The following BLOC1S3 variants were observed in gnomAD, a reference collection of about 807,000 sequenced individuals.
The protein encoded by BLOC1S3 is biogenesis of lysosomal organelles complex 1 subunit 3, also known as biogenesis of lysosome-related organelles complex 1 subunit 3.
In BLOC1S3, 7 loss-of-function variants were observed where a neutral mutation model predicts 9.1. The observed-to-expected ratio is 0.77, with a 90% CI of 0.44 to 1.45. BLOC1S3 has a LOEUF of 1.45. Among genes scored for constraint, BLOC1S3 ranks in the 40% most tolerant of loss-of-function variants. The probability of loss-of-function intolerance (pLI) is 0.01; values close to 1 mark genes in which losing one functional copy is unlikely to be tolerated. For missense variants in BLOC1S3, 307 were observed against 315.2 expected, an observed-to-expected ratio of 0.97 and a Z score of 0.20; for synonymous variants, 145 against 158.4, an observed-to-expected ratio of 0.92 and a Z score of 0.64.
chr19:45,208,990 A>G (rs1257707733), intron 3 of BLOC1S3, among the ~76,000 whole-genome samples: 2 of 152,112 alleles, frequency 1.3e-5, no homozygotes, highest in East Asian at 3.8e-4. Context: ...TACAAATTTC[A>G]GTTAGGAGGA....
At chr19:45,183,125 T>C (rs1969538737), downstream of BLOC1S3, among the ~76,000 whole-genome samples, 2 of 151,734 alleles carry the variant, frequency 1.3e-5, no homozygotes, top group South Asian at 2.1e-4. Flanking sequence ...GGGGTGGTTG[T>C]GGGGCAGGGG....
At chr19:45,191,449 A>T (rs552355597) in intron 2 of BLOC1S3, among the ~76,000 whole-genome samples, 28 of 152,246 alleles carry the variant, frequency 1.8e-4, no homozygotes, top group Middle Eastern at 3.4e-3. Flanking sequence ...TGGTGAGGTC[A>T]TGTTTTCCTG....
At position 45,213,475 on chromosome 19, in the gene BLOC1S3, G is replaced by A. The variant is rs950405613; in HGVS notation, n.283-3201G>A. On this transcript the variant is annotated intron_variant and non_coding_transcript_variant, in intron 3 of 3. Transcript: ENST00000591569. ...TCCCAGAAATTGCCTGAGTTCTGGG[G>A]CCTCTGTGTCCCCTCCAGAGCCTTC... The A allele has an allele frequency of 8.0e-6, 10 of 1,252,740 alleles. No individual in the cohort carries two copies. The African/African-American group carries it at 1.4e-4, about 17-fold the overall frequency. 77.6% of individuals were successfully genotyped at this position (1,252,740 alleles called of 1,614,324 possible). A position where few individuals can be genotyped will look rare whatever the true frequency, so the allele number is the denominator to read the frequency against.
At chr19:45,183,801 AT>A (rs931907812), downstream of BLOC1S3, among the ~76,000 whole-genome samples, 2 of 146,218 alleles carry the variant, frequency 1.4e-5, no homozygotes, top group Admixed American at 6.8e-5. Context: ...TAGTTTTTCT[AT>A]TTTTTTTTCT....
chr19:45,216,179 A>G, intron 3 of BLOC1S3: 1 of 1,613,422 alleles, frequency 6.2e-7, no homozygotes, highest in Non-Finnish European at 8.5e-7. Context: ...GCATCCAGCC[A>G]CGAGGCCTGG....
chr19:45,183,623 C>CTTTTTTTTTTTTTTTTTTTTTT (rs57651816), downstream of BLOC1S3, among the ~76,000 whole-genome samples: 80 of 105,076 alleles, frequency 7.6e-4, no homozygotes, highest in Non-Finnish European at 9.2e-4. Flanking sequence ...CTTTTCTTTT[C>CTTTTTTTTTTTTTTTTTTTTTT]TTTTTTTTTT....
intron 3 of BLOC1S3, chr19:45,216,342 G>T: frequency 8.8e-7 from 1 of 1,140,934 alleles, no homozygotes; most frequent in Non-Finnish European, 1.2e-6. Flanking sequence ...TTGGGAGGAG[G>T]CCGAGGCGGG....
chr19:45,205,258 C>T (rs1045567359), intron 3 of BLOC1S3, among the ~76,000 whole-genome samples: 8 of 151,690 alleles, frequency 5.3e-5, no homozygotes, highest in African/African-American at 7.3e-5. Context: ...CTCCACTTCC[C>T]GGGTTCAAGC....
Position 45,180,192 on chromosome 19 carries a change from A to C in BLOC1S3, c.*287A>C. The C allele has an allele frequency of 2.9e-6, 1 of 340,776 alleles. No individual in the cohort carries two copies. Among genetic ancestry groups the C allele is most frequent in the South Asian group, 9.2e-5 (1 of 10,926 alleles). 21.1% of individuals were successfully genotyped at this position (340,776 alleles called of 1,614,324 possible). A position where few individuals can be genotyped will look rare whatever the true frequency, so the allele number is the denominator to read the frequency against. ...CTGGGGCTTGGCTCCAGCCTTTGTT[A>C]CATAGTTGCTCCTTAATCTGTTTCC... On this transcript the variant is annotated 3_prime_UTR_variant, in exon 2 of 2. Coordinates refer to ENST00000433642, the MANE Select transcript of BLOC1S3 (RefSeq NM_212550.5).
chr19:45,209,370 A>G (rs1969750809), intron 3 of BLOC1S3, among the ~76,000 whole-genome samples: 1 of 151,822 alleles, frequency 6.6e-6, no homozygotes, highest in South Asian at 2.1e-4. Context: ...ATAACAATGT[A>G]TTGTATACTT....
chr19:45,211,057 G>A (rs571071247), intron 3 of BLOC1S3, among the ~76,000 whole-genome samples: 5 of 152,334 alleles, frequency 3.3e-5, no homozygotes, highest in Admixed American at 2.6e-4. Flanking sequence ...GCTGCAGTGA[G>A]CTATGATCGT....
chr19:45,184,903 C>CAAAAAAAAAAAAAAAAAAAAAAAAAA (rs71338752), downstream of BLOC1S3, among the ~76,000 whole-genome samples: 1 of 48,278 alleles, frequency 2.1e-5, no homozygotes, highest in Non-Finnish European at 4.0e-5. Flanking sequence ...CTGTCTCAAA[C>CAAAAAAAAAAAAAAAAAAAAAAAAAA]AAAAAAAAAA....
At chr19:45,188,328 C>T (rs1026386085) in intron 2 of BLOC1S3, among the ~76,000 whole-genome samples, 3 of 151,024 alleles carry the variant, frequency 2.0e-5, no homozygotes, top group African/African-American at 7.3e-5. Context: ...TGGTCAATTA[C>T]ACCCTTTTCG....
At chr19:45,191,298 T>A (rs1192414897) in intron 2 of BLOC1S3, among the ~76,000 whole-genome samples, 1 of 151,662 alleles carries the variant, frequency 6.6e-6, no homozygotes, top group East Asian at 1.9e-4. Flanking sequence ...AATTTTGTAT[T>A]TTTAGTGAGA....
intron 2 of BLOC1S3, among the ~76,000 whole-genome samples, chr19:45,188,300 G>A (rs1969580652): frequency 6.6e-6 from 1 of 152,088 alleles, no homozygotes; most frequent in Admixed American, 6.6e-5. Flanking sequence ...TGGGATTATA[G>A]GCATGAGCCA....
At chr19:45,207,373 T>C (rs1969734936) in intron 3 of BLOC1S3, among the ~76,000 whole-genome samples, 1 of 151,488 alleles carries the variant, frequency 6.6e-6, no homozygotes, top group Admixed American at 6.6e-5. Flanking sequence ...CCTAAGGTGA[T>C]CCACCCGCCT....
intron 2 of BLOC1S3, among the ~76,000 whole-genome samples, chr19:45,190,267 A>G (rs1397697020): frequency 6.6e-6 from 1 of 150,640 alleles, no homozygotes; most frequent in Non-Finnish European, 1.5e-5. Context: ...TAATTATTTC[A>G]ATCTCTTTGT....
Position 45,179,491 on chromosome 19 carries a change from G to C in BLOC1S3, c.195G>C (p.Ser65=). ...RVAGEAAETD[S]EPEPEPEPTA... ...CTGGGGAAGCCGCGGAGACCGACTC[G>C]GAGCCGGAGCCGGAGCCGGAACCGA... Residue 65 remains serine, a synonymous_variant, in exon 2 of 2, where the codon TCG becomes TCC. Transcript: ENST00000433642. The surrounding 1 kb of genome is among the most constrained non-coding windows in gnomAD (Gnocchi z 4.6). 6.6e-7 allele frequency: 1 copy of C among 1,522,120 alleles called. No individual in the cohort carries two copies. The highest frequency in any genetic ancestry group is 8.8e-7 in the Non-Finnish European group (1 of 1,141,590). The allele number at this position is 1,522,120 out of a possible 1,614,324, so 94.3% of individuals were successfully genotyped here.
chr19:45,179,749 G>A lies in BLOC1S3; in HGVS notation c.453G>A (p.Ala151=), dbSNP rs1356956824. The A allele has an allele frequency of 1.4e-6, 2 of 1,464,828 alleles. No individual in the cohort carries two copies. Among genetic ancestry groups the A allele is most frequent in the African/African-American group, 3.0e-5 (2 of 67,594 alleles). The allele number at this position is 1,464,828 out of a possible 1,614,324, so 90.7% of individuals were successfully genotyped here. ...ALASRLAAAQ[A]AGLAAAHSVR... is the part of the protein sequence containing the mutation. Reference sequence around the variant, plus strand: ...CTAGTAGGCTGGCGGCAGCCCAGGCGGCGGGGCTGGCGGCGGCCCACAGCG... The same window carrying A: ...CTAGTAGGCTGGCGGCAGCCCAGGCAGCGGGGCTGGCGGCGGCCCACAGCG... Residue 151 remains alanine, a synonymous_variant, in exon 2 of 2, where the codon GCG becomes GCA. Transcript: ENST00000433642. The surrounding 1 kb of genome is among the most constrained non-coding windows in gnomAD (Gnocchi z 4.6).
Sources: gnomAD v4.1 joint callset for allele counts (sites outside exome capture counted in the v4.1 genomes callset) on GRCh38, gnomAD v4.1.1 for gene constraint, Gnocchi (gnomAD v3.1) non-coding constraint, MANE v1.5 for transcripts, NCBI Gene and HGNC (gene_info 2026-07-23, HGNC 2026-07-21) for gene names.